RAPGEF6: variants seen among roughly 807,000 people sequenced by gnomAD.
RAPGEF6 encodes Rap guanine nucleotide exchange factor 6.
In RAPGEF6, 56 loss-of-function variants were observed where a neutral mutation model predicts 171.4. The ratio of observed to expected loss-of-function variants is 0.33; its 90% CI spans 0.26 to 0.41. The LOEUF (loss-of-function observed/expected upper bound fraction) is 0.41, where lower values mean the gene tolerates loss of function less well. Ranked by LOEUF, RAPGEF6 falls within the 10% of genes least tolerant of loss-of-function variation. RAPGEF6 has a pLI of 1.00. For synonymous variants in RAPGEF6, 692 were observed against 650.1 expected, an observed-to-expected ratio of 1.06 and a Z score of -0.98; for missense variants, 1,674 against 1,921.4, an observed-to-expected ratio of 0.87 and a Z score of 2.41.
intron 5 of RAPGEF6, among the ~76,000 whole-genome samples, chr5:131,557,873 T>C (rs988682794): frequency 1.3e-5 from 2 of 152,204 alleles, no homozygotes. Context: ...CATGTTGTTT[T>C]ATCCTCTGTA....
At chr5:131,547,543 CTT>C (rs1364277905) in intron 6 of RAPGEF6, among the ~76,000 whole-genome samples, 1 of 142,984 alleles carries the variant, frequency 7.0e-6, no homozygotes, top group Non-Finnish European at 1.5e-5. Context: ...GAGTTTTGCT[CTT>C]GTCGACCAGG....
At position 131,550,834 on chromosome 5, in the gene RAPGEF6, G is replaced by A. The variant is rs569676106; in HGVS notation, c.352-2644C>T. On this transcript the variant is annotated intron_variant, in intron 5 of 27. Coordinates refer to ENST00000509018, the MANE Select transcript of RAPGEF6 (RefSeq NM_016340.6). Reference sequence around the variant, plus strand: ...CTGGCTAAAAGCCCATTCCCTCTTTGCCAGCATATTGGCCTCCTACTTACA... The same window carrying A: ...CTGGCTAAAAGCCCATTCCCTCTTTACCAGCATATTGGCCTCCTACTTACA... 2.6e-5 allele frequency among the ~76,000 whole-genome samples: 4 copies of A among 152,166 alleles called. No individual in the cohort carries two copies. In the South Asian group the frequency reaches 8.3e-4, roughly 32 times the overall value.
chr5:131,523,279 CTTTTTTTTTT>C (rs1171953953), intron 6 of RAPGEF6, among the ~76,000 whole-genome samples: 7 of 66,648 alleles, frequency 1.1e-4, no homozygotes, highest in African/African-American at 4.9e-4. Context: ...CTGTTGTATG[CTTTTTTTTTT>C]TTTTTTTTTT....
intron 21 of RAPGEF6, among the ~76,000 whole-genome samples, chr5:131,450,281 C>T (rs754588563): frequency 8.6e-5 from 13 of 151,940 alleles, no homozygotes; most frequent in Non-Finnish European, 1.3e-4. Context: ...TGCTTTAGAC[C>T]AATTATATTT....
intron 4 of RAPGEF6, among the ~76,000 whole-genome samples, chr5:131,563,232 A>T (rs1761717116): frequency 2.0e-5 from 3 of 152,116 alleles, no homozygotes; most frequent in African/African-American, 7.2e-5. Flanking sequence ...CTCCAAAATA[A>T]CCAAATGGAA....
chr5:131,486,391 A>C lies in RAPGEF6; in HGVS notation c.1840+3155T>G, dbSNP rs3776023. Among the ~76,000 whole-genome samples the C allele has an allele frequency of 3.1e-3, 474 of 152,340 alleles. 7 individuals carry two copies. In the East Asian group the frequency reaches 0.052, roughly 17 times the overall value. Reference sequence around the variant, plus strand: ...AGTCTAGCTCTTTTAAGTTGTCTTCAGTCAATACTGGAAGTAGAAAGTTGA... The same window carrying C: ...AGTCTAGCTCTTTTAAGTTGTCTTCCGTCAATACTGGAAGTAGAAAGTTGA... On this transcript the variant is annotated intron_variant, in intron 15 of 27. Coordinates refer to ENST00000509018, the MANE Select transcript of RAPGEF6 (RefSeq NM_016340.6).
chr5:131,493,542 G>GA lies in RAPGEF6; in HGVS notation c.1528-758dup, dbSNP rs558476455. 3.7e-3 allele frequency among the ~76,000 whole-genome samples: 569 copies of GA among 152,262 alleles called. 4 individuals carry two copies. The highest frequency in any genetic ancestry group is 0.013 in the African/African-American group (539 of 41,544). On this transcript the variant is annotated intron_variant, in intron 13 of 27. Coordinates refer to ENST00000509018, the MANE Select transcript of RAPGEF6 (RefSeq NM_016340.6). Reference sequence around the variant, plus strand: ...AACATTCAAGTTTTCATCTCGTCCAGAAAAGACTTCCTTCTTGTATTATTT... The same window carrying GA: ...AACATTCAAGTTTTCATCTCGTCCAGAAAAAGACTTCCTTCTTGTATTATTT...
In RAPGEF6 at chr5:131,582,836, C is replaced by T. The variant is rs188019147; in HGVS notation, c.281+9547G>A. On this transcript the variant is annotated intron_variant, in intron 4 of 27. Transcript: ENST00000509018. Reference sequence around the variant, plus strand: ...AAAGATATGAATTCTCATAGACTGCCGGTGAGAATATAAAATGATACAGCT... The same window carrying T: ...AAAGATATGAATTCTCATAGACTGCTGGTGAGAATATAAAATGATACAGCT... Among the ~76,000 whole-genome samples, 25 of 152,214 alleles carry T rather than the reference C, an allele frequency of 1.6e-4. No homozygotes were observed. The East Asian group carries it at 3.7e-3, about 22-fold the overall frequency.
intron 20 of RAPGEF6, among the ~76,000 whole-genome samples, chr5:131,455,321 C>T (rs974887143): frequency 1.3e-5 from 2 of 152,208 alleles, no homozygotes; most frequent in African/African-American, 4.8e-5. Flanking sequence ...TGCAGTGGCG[C>T]CATCTAGGCT....
intron 1 of RAPGEF6, 127 bp from the exon 2 acceptor site, chr5:131,604,820 A>T (rs972931561): frequency 6.0e-6 from 7 of 1,168,550 alleles, no homozygotes. Flanking sequence ...GAAAAATCAT[A>T]AAACCTCTGA....
At chr5:131,482,555 G>A (rs559883350) in intron 15 of RAPGEF6, among the ~76,000 whole-genome samples, 19 of 152,196 alleles carry the variant, frequency 1.2e-4, no homozygotes, top group African/African-American at 3.6e-4. Flanking sequence ...CTTCTGCCTC[G>A]CCCTCCCAAA....
At chr5:131,481,521 G>A (rs972007133) in intron 15 of RAPGEF6, among the ~76,000 whole-genome samples, 1 of 152,072 alleles carries the variant, frequency 6.6e-6, no homozygotes. Flanking sequence ...TTAAGCCACC[G>A]TGCCCGGCCT....
At chr5:131,583,396 G>A (rs1475280474) in intron 4 of RAPGEF6, among the ~76,000 whole-genome samples, 9 of 152,130 alleles carry the variant, frequency 5.9e-5, no homozygotes, top group Non-Finnish European at 1.2e-4. Context: ...TAAGACCTAA[G>A]GCCATGCAAG....
chr5:131,562,215 A>G (rs997484282), intron 4 of RAPGEF6, among the ~76,000 whole-genome samples, 168 bp from the exon 5 acceptor site: 1 of 152,040 alleles, frequency 6.6e-6, no homozygotes, highest in African/African-American at 2.4e-5. Flanking sequence ...AGAAAAAAAA[A>G]AACCTTTCTC....
chr5:131,493,318 C>T (rs1490375257), intron 13 of RAPGEF6, among the ~76,000 whole-genome samples: 1 of 152,198 alleles, frequency 6.6e-6, no homozygotes, highest in Non-Finnish European at 1.5e-5. Context: ...CCTGTCTCGG[C>T]CTCCCAAAGT....
chr5:131,505,421 G>A lies in RAPGEF6; in HGVS notation c.1044C>T (p.Pro348=). The A allele has an allele frequency of 6.2e-7, 1 of 1,613,440 alleles. No homozygotes were observed. Among genetic ancestry groups the A allele is most frequent in the Non-Finnish European group, 8.5e-7 (1 of 1,179,604 alleles). The change falls in exon 10 of 28, where the codon CCC becomes CCT. Residue 348 remains proline, a synonymous_variant. Coordinates refer to ENST00000509018, the MANE Select transcript of RAPGEF6 (RefSeq NM_016340.6). ...LFMGNSFGIT[P]TLDKQYMHGI... is the part of the protein sequence containing the mutation. The stretch of plus-strand genomic sequence containing the variant: ...CATGCATGTACTGCTTATCCAGAGT[G>A]GGAGTAATTCCAAAACTATTTCCCA...
In RAPGEF6 at chr5:131,442,449, G is replaced by A. The variant is rs1282324315; in HGVS notation, c.3510C>T (p.Ala1170=). The change falls in exon 23 of 28, where the codon GCC becomes GCT. Residue 1170 remains alanine, a synonymous_variant. Transcript: ENST00000509018. ...PMRSAGQTTK[A]HLHQPHRVSQ... is the part of the protein sequence containing the mutation. ...TTACTCTGTGGGGTTGATGCAAGTG[G>A]GCTTTAGTTGTTTGGCCAGCTGACC... 1 of 1,613,964 alleles carries A rather than the reference G, an allele frequency of 6.2e-7. No individual in the cohort carries two copies. The highest frequency in any genetic ancestry group is 1.3e-5 in the African/African-American group (1 of 74,878).
intron 13 of RAPGEF6, among the ~76,000 whole-genome samples, chr5:131,493,269 T>C (rs1756414928): frequency 6.6e-6 from 1 of 152,138 alleles, no homozygotes; most frequent in Admixed American, 6.6e-5. Context: ...TTTCACCATG[T>C]TAGCCACGAT....
intron 1 of RAPGEF6, among the ~76,000 whole-genome samples, chr5:131,615,059 T>C (rs977460076): frequency 2.6e-5 from 4 of 152,166 alleles, no homozygotes; most frequent in Non-Finnish European, 5.9e-5. Flanking sequence ...GGACCAGCAG[T>C]CTGTGATTTA....
Sources: allele counts gnomAD v4.1 joint callset (sites outside exome capture counted in the v4.1 genomes callset), GRCh38; gene constraint gnomAD v4.1.1; transcripts MANE v1.5; gene names NCBI Gene and HGNC (gene_info 2026-07-23, HGNC 2026-07-21).